Variants in XKR6 observed in about 807,000 individuals in gnomAD.
XKR6 encodes XK-related protein 6.
Under a neutral mutation model 56.7 loss-of-function variants are expected in XKR6, and 22 were observed. The ratio of observed to expected loss-of-function variants is 0.39; its 90% CI spans 0.28 to 0.55. The LOEUF is 0.55. Among genes scored for constraint, XKR6 ranks in the 20% least tolerant of loss-of-function variants. The pLI, the probability that XKR6 is intolerant of heterozygous loss-of-function variation, is 0.66. For synonymous variants in XKR6, 524 were observed against 387.8 expected, an observed-to-expected ratio of 1.35 and a Z score of -4.13; for missense variants, 852 against 889.0, an observed-to-expected ratio of 0.96 and a Z score of 0.53.
rs73662661 is a variant in XKR6 at position 10,994,004 on chromosome 8, T to C, written c.765-69174A>G. On this transcript the variant is annotated intron_variant, in intron 1 of 2. Coordinates refer to ENST00000416569, the MANE Select transcript of XKR6 (RefSeq NM_173683.4). ...CCTATCATGAGGCCTATATCCTGTT[T>C]GGTGTTTCAGTTACCTTCAGTAGCT... Among the ~76,000 whole-genome samples, 941 of 152,314 alleles carry C rather than the reference T, an allele frequency of 6.2e-3. 8 individuals carry two copies. The highest frequency in any genetic ancestry group is 0.022 in the African/African-American group (900 of 41,556).
intron 1 of XKR6, among the ~76,000 whole-genome samples, chr8:11,128,574 G>A (rs1042088651): frequency 7.2e-5 from 11 of 152,162 alleles, no homozygotes; most frequent in Admixed American, 2.0e-4. Context: ...ATCAAAGTGA[G>A]GCAGTTTTAA....
rs138270548 is a variant in XKR6 at position 10,975,734 on chromosome 8, C to A, written c.765-50904G>T. Among the ~76,000 whole-genome samples the A allele has an allele frequency of 3.5e-3, 539 of 152,340 alleles. 3 individuals are homozygous for A. Among genetic ancestry groups the A allele is most frequent in the Middle Eastern group, 0.017 (5 of 294 alleles). The stretch of plus-strand genomic sequence containing the variant: ...GGCCAGAATTCAAATCCCAGCTCAG[C>A]CCAGCTGACCGCAAGGCCGAGTCAC... On this transcript the variant is annotated intron_variant, in intron 1 of 2. Coordinates refer to ENST00000416569, the MANE Select transcript of XKR6 (RefSeq NM_173683.4).
intron 1 of XKR6, among the ~76,000 whole-genome samples, chr8:11,118,194 T>A (rs1431772575): frequency 6.6e-6 from 1 of 152,038 alleles, no homozygotes; most frequent in Non-Finnish European, 1.5e-5. Flanking sequence ...TACAAAAAAA[T>A]GAAAGAAAAA....
At chr8:10,938,191 G>T (rs1801282922) in intron 1 of XKR6, among the ~76,000 whole-genome samples, 1 of 152,176 alleles carries the variant, frequency 6.6e-6, no homozygotes, top group Admixed American at 6.5e-5. Flanking sequence ...CCCTTTCTTT[G>T]ACTCGGAAAG....
At chr8:11,177,491 C>T (rs754552883) in intron 1 of XKR6, among the ~76,000 whole-genome samples, 2 of 152,158 alleles carry the variant, frequency 1.3e-5, no homozygotes, top group Admixed American at 6.5e-5. Flanking sequence ...AAGTCCTAAC[C>T]CCCTCCCCCA....
chr8:10,979,771 C>A (rs1424760515), intron 1 of XKR6, among the ~76,000 whole-genome samples: 1 of 152,184 alleles, frequency 6.6e-6, no homozygotes, highest in Non-Finnish European at 1.5e-5. Flanking sequence ...GGGGTTTTCT[C>A]TCAGCTCTGA....
chr8:11,124,144 T>G, intron 1 of XKR6: 1 of 378,976 alleles, frequency 2.6e-6, no homozygotes, highest in South Asian at 2.0e-5. Context: ...GATTCTAATT[T>G]ACTGGCATTT....
At chr8:11,095,026 C>A (rs1367103301) in intron 1 of XKR6, among the ~76,000 whole-genome samples, 1 of 152,102 alleles carries the variant, frequency 6.6e-6, no homozygotes, top group South Asian at 2.1e-4. Flanking sequence ...TGCACATGTA[C>A]CTCTGAACTT....
intron 1 of XKR6, among the ~76,000 whole-genome samples, chr8:10,999,312 C>T (rs1458163931): frequency 6.6e-6 from 1 of 152,216 alleles, no homozygotes; most frequent in East Asian, 1.9e-4. Context: ...CATTCCAATT[C>T]TATTCTGTTG....
chr8:11,006,433 A>G lies in XKR6; in HGVS notation c.765-81603T>C, dbSNP rs544028327. Among the ~76,000 whole-genome samples, 6 of 152,326 alleles carry G rather than the reference A, an allele frequency of 3.9e-5. No individual in the cohort carries two copies. In the South Asian group the frequency reaches 1.0e-3, roughly 26 times the overall value. ...TTATCGTATGTTGCATGTCTGAGACATGCCAGTCATTGGAGACATCAATGA... is the reference window on the plus strand; with the variant it reads ...TTATCGTATGTTGCATGTCTGAGACGTGCCAGTCATTGGAGACATCAATGA... On this transcript the variant is annotated intron_variant, in intron 1 of 2. Coordinates refer to ENST00000416569, the MANE Select transcript of XKR6 (RefSeq NM_173683.4).
At chr8:11,079,656 T>C (rs1797647762) in intron 1 of XKR6, among the ~76,000 whole-genome samples, 2 of 152,236 alleles carry the variant, frequency 1.3e-5, no homozygotes, top group Admixed American at 1.3e-4. Context: ...CCAGGTAACG[T>C]TGTTGTGATA....
intron 1 of XKR6, among the ~76,000 whole-genome samples, chr8:11,176,538 G>T (rs1010387848): frequency 1.3e-5 from 2 of 152,048 alleles, no homozygotes; most frequent in African/African-American, 2.4e-5. Context: ...AAGAAATTAT[G>T]TCAAGCCAGA....
chr8:11,108,034 G>A (rs1450500907), intron 1 of XKR6: 4 of 323,106 alleles, frequency 1.2e-5, no homozygotes, highest in East Asian at 9.4e-5. Flanking sequence ...GCCTCTCAGC[G>A]AGGCTGTATT....
At chr8:10,941,570 C>T (rs1421454754) in intron 1 of XKR6, among the ~76,000 whole-genome samples, 2 of 152,230 alleles carry the variant, frequency 1.3e-5, no homozygotes, top group Non-Finnish European at 2.9e-5. Context: ...TTTTGCCCTG[C>T]ACTGGGTCCC....
chr8:10,905,049 C>A (rs1800147859), intron 2 of XKR6, among the ~76,000 whole-genome samples: 1 of 152,192 alleles, frequency 6.6e-6, no homozygotes, highest in Non-Finnish European at 1.5e-5. Flanking sequence ...CTGACTCTTT[C>A]CTCCCCAGCT....
intron 1 of XKR6, among the ~76,000 whole-genome samples, chr8:11,143,160 T>C (rs1800789356): frequency 6.6e-6 from 1 of 152,124 alleles, no homozygotes; most frequent in Non-Finnish European, 1.5e-5. Context: ...ATCTAGGCAC[T>C]GAGCATCAAT....
intron 1 of XKR6, chr8:11,108,417 A>T (rs777846937): frequency 2.3e-6 from 1 of 437,984 alleles, no homozygotes; most frequent in Non-Finnish European, 4.5e-6. Flanking sequence ...AGTCACACTT[A>T]GGGAGAAAAT....
chr8:10,951,297 G>GTT (rs1171181468), intron 1 of XKR6, among the ~76,000 whole-genome samples: 1 of 129,550 alleles, frequency 7.7e-6, no homozygotes, highest in Non-Finnish European at 1.6e-5. Flanking sequence ...GTGTGTGTGT[G>GTT]TGGGGGGGGG....
chr8:11,089,898 G>A (rs1344617563), intron 1 of XKR6, among the ~76,000 whole-genome samples: 2 of 151,798 alleles, frequency 1.3e-5, no homozygotes, highest in African/African-American at 2.4e-5. Context: ...TTATTCATAT[G>A]CACACACATA....
Sources: allele counts gnomAD v4.1 joint callset (sites outside exome capture counted in the v4.1 genomes callset), GRCh38; gene constraint gnomAD v4.1.1; transcripts MANE v1.5; gene names NCBI Gene and HGNC (gene_info 2026-07-23, HGNC 2026-07-21).